Variants in TANC2 observed in about 807,000 individuals in gnomAD.
TANC2 encodes protein TANC2.
In TANC2, 26 loss-of-function variants were observed where a neutral mutation model predicts 210.5. That is an observed-to-expected ratio of 0.12 (90% confidence interval 0.09 to 0.17). TANC2 has a LOEUF of 0.17. Ranked by LOEUF, TANC2 falls within the 10% of genes least tolerant of loss-of-function variation. The pLI is 1.00. For synonymous variants in TANC2, 931 were observed against 967.1 expected (o/e 0.96, Z 0.69); for missense variants, 2,129 against 2,608.9 (o/e 0.82, Z 4.01).
At chr17:63,359,091 T>C (rs1211819449) in intron 14 of TANC2, among the ~76,000 whole-genome samples, 1 of 151,952 alleles carries the variant, frequency 6.6e-6, no homozygotes, top group Non-Finnish European at 1.5e-5. Context: ...TAATACAGTA[T>C]CTCACTCTGT....
intron 5 of TANC2, among the ~76,000 whole-genome samples, chr17:63,165,860 T>C (rs990258200): frequency 2.0e-5 from 3 of 152,176 alleles, no homozygotes; most frequent in Admixed American, 2.0e-4. Context: ...ATTTTGTATG[T>C]CAAACATATG....
intron 11 of TANC2, among the ~76,000 whole-genome samples, chr17:63,338,062 T>C (rs984199233): frequency 2.6e-5 from 4 of 152,240 alleles, no homozygotes; most frequent in Admixed American, 6.5e-5. Flanking sequence ...CTATTGTGAA[T>C]AGTGCTGCAG....
At chr17:63,314,342 A>T in intron 9 of TANC2, 46 bp from the exon 10 acceptor site, 1 of 1,599,148 alleles carries the variant, frequency 6.3e-7, no homozygotes, top group African/African-American at 1.3e-5. Flanking sequence ...GTTTCTCTCA[A>T]TGTTGACAGT....
intron 2 of TANC2, among the ~76,000 whole-genome samples, chr17:63,024,473 T>G (rs538820473): frequency 6.6e-6 from 1 of 152,204 alleles, no homozygotes; most frequent in East Asian, 1.9e-4. Context: ...TTTTAGTGGG[T>G]TTGGGCCGGC....
chr17:63,204,302 A>T (rs1452089995), intron 7 of TANC2, among the ~76,000 whole-genome samples: 1 of 152,160 alleles, frequency 6.6e-6, no homozygotes, highest in Admixed American at 6.5e-5. Context: ...AAAAAATTCT[A>T]CATTGAAAAC....
intron 1 of TANC2, among the ~76,000 whole-genome samples, chr17:62,969,702 TG>T (rs2031580101): frequency 6.6e-6 from 1 of 151,526 alleles, no homozygotes; most frequent in Non-Finnish European, 1.5e-5. Context: ...AGTGTGTGTG[TG>T]TGTGTGTGTA....
At chr17:62,982,689 A>G (rs2032364774) in intron 1 of TANC2, among the ~76,000 whole-genome samples, 1 of 152,156 alleles carries the variant, frequency 6.6e-6, no homozygotes, top group Admixed American at 6.6e-5. Context: ...CGTTGTTGCT[A>G]CCACCATTTT....
rs376240205 is a variant in TANC2 at position 63,421,034 on chromosome 17, C to T, written c.5304C>T (p.Gly1768=). 3.8e-5 allele frequency: 61 copies of T among 1,613,844 alleles called. 1 individual carries two copies. The highest frequency in any genetic ancestry group is 1.6e-4 in the Middle Eastern group (1 of 6,084). The change falls in exon 28 of 28, where the codon GGC becomes GGT. Residue 1768 remains glycine (G), a synonymous_variant. Coordinates refer to ENST00000689528, the Ensembl canonical transcript of TANC2. This position sits in a 1 kb window ranked among gnomAD's most constrained non-coding sequence, Gnocchi z 6.9. The stretch of plus-strand genomic sequence containing the variant: ...ATGTCCAAGCCAGCCTGAGTGCAGG[C>T]GCCATCTGTCAGCATGGAGGATTGA...
At chr17:63,126,350 C>G (rs2038707248) in intron 4 of TANC2, among the ~76,000 whole-genome samples, 1 of 152,160 alleles carries the variant, frequency 6.6e-6, no homozygotes, top group African/African-American at 2.4e-5. Context: ...AAGCAGATAA[C>G]ACTATTATGA....
At chr17:63,248,712 G>C (rs1778482885) in intron 8 of TANC2, among the ~76,000 whole-genome samples, 1 of 152,006 alleles carries the variant, frequency 6.6e-6, no homozygotes, top group Non-Finnish European at 1.5e-5. Flanking sequence ...AATCCTTGAG[G>C]CTGCTACTGG....
intron 1 of TANC2, among the ~76,000 whole-genome samples, chr17:62,997,659 T>C (rs1320588991): frequency 6.6e-6 from 1 of 152,186 alleles, no homozygotes; most frequent in Non-Finnish European, 1.5e-5. Flanking sequence ...TTTAAGACAA[T>C]ATCTTAATGT....
At chr17:63,257,474 C>T (rs1055970963) in intron 8 of TANC2, among the ~76,000 whole-genome samples, 1 of 152,128 alleles carries the variant, frequency 6.6e-6, no homozygotes, top group Non-Finnish European at 1.5e-5. Flanking sequence ...CCTCCCACCT[C>T]AGCCTCTCTA....
intron 9 of TANC2, among the ~76,000 whole-genome samples, chr17:63,270,547 A>C (rs1199353130): frequency 6.6e-6 from 1 of 152,172 alleles, no homozygotes; most frequent in East Asian, 1.9e-4. Flanking sequence ...AACTACCCCC[A>C]AAAAAGTAAT....
At chr17:63,357,483 C>T (rs1247638162) in intron 14 of TANC2, among the ~76,000 whole-genome samples, 1 of 152,196 alleles carries the variant, frequency 6.6e-6, no homozygotes, top group African/African-American at 2.4e-5. Context: ...ATAATCCGTT[C>T]CCTGATGATT....
chr17:63,033,662 G>A (rs2034862168), intron 2 of TANC2, among the ~76,000 whole-genome samples: 1 of 152,080 alleles, frequency 6.6e-6, no homozygotes, highest in Admixed American at 6.6e-5. Context: ...TATAAAGGAA[G>A]TTTCTGGGTT....
At chr17:63,241,421 T>C (rs937557016) in intron 8 of TANC2, among the ~76,000 whole-genome samples, 3 of 152,218 alleles carry the variant, frequency 2.0e-5, no homozygotes, top group Admixed American at 2.0e-4. Context: ...TTAAGAGATT[T>C]CTGTTTCTCT....
intron 2 of TANC2, among the ~76,000 whole-genome samples, chr17:63,057,006 A>G (rs2035830353): frequency 6.6e-6 from 1 of 151,436 alleles, no homozygotes; most frequent in African/African-American, 2.4e-5. Context: ...TTTTTAAGAG[A>G]CAAGGTCTCA....
chr17:63,198,944 C>A (rs1465658949), intron 6 of TANC2, among the ~76,000 whole-genome samples: 1 of 152,068 alleles, frequency 6.6e-6, no homozygotes, highest in African/African-American at 2.4e-5. Flanking sequence ...AAATTAGATT[C>A]TAATATTATT....
exon 28 of TANC2, chr17:63,427,286 T>C (rs2049168346): frequency 6.6e-6 from 1 of 152,268 alleles, no homozygotes; most frequent in South Asian, 2.1e-4. Flanking sequence ...ATGATTTTGA[T>C]TCTTCCTCCT....
Sources: allele counts gnomAD v4.1 joint callset (sites outside exome capture counted in the v4.1 genomes callset), GRCh38; gene constraint gnomAD v4.1.1; non-coding constraint Gnocchi (gnomAD v3.1); transcripts MANE v1.5; gene names NCBI Gene and HGNC (gene_info 2026-07-23, HGNC 2026-07-21).